Variants in SYT9 observed in about 807,000 individuals in gnomAD.
The protein encoded by SYT9 is synaptotagmin 9, also known as synaptotagmin-9.
In SYT9, 22 loss-of-function variants were observed where a neutral mutation model predicts 48.4. The observed-to-expected ratio is 0.45, with a 90% CI of 0.32 to 0.65. The LOEUF is 0.65. SYT9 is among the 30% of genes least tolerant of loss of function. The pLI is 0.03. For missense variants in SYT9, 577 were observed against 622.0 expected (o/e 0.93, Z 0.77); for synonymous variants, 265 against 245.0 (o/e 1.08, Z -0.76).
At chr11:7,393,366 C>A (rs1233664968) in intron 3 of SYT9, among the ~76,000 whole-genome samples, 2 of 145,174 alleles carry the variant, frequency 1.4e-5, no homozygotes, top group African/African-American at 5.1e-5. Context: ...TTGAGATGAT[C>A]TTTTTTTTTA....
intron 3 of SYT9, among the ~76,000 whole-genome samples, chr11:7,353,674 C>A (rs1849961860): frequency 6.6e-6 from 1 of 151,294 alleles, no homozygotes; most frequent in African/African-American, 2.4e-5. Context: ...GCTAGCCAAT[C>A]CTTCATTAGT....
intron 6 of SYT9, chr11:7,450,565 G>A (rs1046121058): frequency 1.3e-5 from 2 of 152,200 alleles, no homozygotes; most frequent in African/African-American, 4.8e-5. Flanking sequence ...AGTTGTTATT[G>A]TAAGAAAAGC....
At chr11:7,253,986 A>G (rs556840462) in intron 1 of SYT9, among the ~76,000 whole-genome samples, 1 of 152,096 alleles carries the variant, frequency 6.6e-6, no homozygotes, top group Non-Finnish European at 1.5e-5. Context: ...TTTACAAGAG[A>G]AGATGGATGA....
intron 3 of SYT9, among the ~76,000 whole-genome samples, chr11:7,411,608 T>C (rs1324638000): frequency 6.6e-6 from 1 of 152,212 alleles, no homozygotes; most frequent in Non-Finnish European, 1.5e-5. Context: ...GTTTCCTTTA[T>C]AGGTGACTAG....
At chr11:7,332,353 G>A (rs776201758) in intron 3 of SYT9, among the ~76,000 whole-genome samples, 1 of 152,212 alleles carries the variant, frequency 6.6e-6, no homozygotes, top group Non-Finnish European at 1.5e-5. Flanking sequence ...ATCAGCTGAG[G>A]AGAATTTTCC....
chr11:7,262,013 G>C (rs1848089246), intron 1 of SYT9, among the ~76,000 whole-genome samples: 1 of 152,180 alleles, frequency 6.6e-6, no homozygotes, highest in Non-Finnish European at 1.5e-5. Flanking sequence ...CAGACTATAG[G>C]AGGGGAAGGT....
intron 3 of SYT9, among the ~76,000 whole-genome samples, chr11:7,370,403 G>A (rs1025950445): frequency 1.3e-5 from 2 of 151,986 alleles, no homozygotes; most frequent in African/African-American, 2.4e-5. Context: ...CAATGTATAG[G>A]GATTTAAAGT....
In SYT9 at chr11:7,252,488, T is replaced by C. The variant is rs954415470; in HGVS notation, c.145+157T>C. Among the ~76,000 whole-genome samples the C allele has an allele frequency of 2.0e-5, 3 of 151,884 alleles. No individual in the cohort carries two copies. Among genetic ancestry groups the C allele is most frequent in the Non-Finnish European group, 4.4e-5 (3 of 67,952 alleles). Reference sequence around the variant, plus strand: ...GATCAAGAACCAGCGCACTGTGGCCTGATGCTGTAACCAGGCGGGGACCCG... The same window carrying C: ...GATCAAGAACCAGCGCACTGTGGCCCGATGCTGTAACCAGGCGGGGACCCG... On this transcript the variant is annotated intron_variant, in intron 1 of 6. Coordinates refer to ENST00000318881, the MANE Select transcript of SYT9 (RefSeq NM_175733.4). This position sits in a 1 kb window ranked among gnomAD's most constrained non-coding sequence, Gnocchi z 6.3.
intron 6 of SYT9, among the ~76,000 whole-genome samples, chr11:7,458,212 G>A (rs1848181154): frequency 6.6e-6 from 1 of 152,232 alleles, no homozygotes; most frequent in African/African-American, 2.4e-5. Context: ...CGGGTGCGGT[G>A]GCGCACACCT....
At position 7,252,441 on chromosome 11, in the gene SYT9, G is replaced by C; in HGVS notation, c.145+110G>C. Reference sequence around the variant, plus strand: ...GACGCGGACTGGGAGAGGGCGGGGGGCGGCCACCGAGCCAGGAGAGTGATC... The same window carrying C: ...GACGCGGACTGGGAGAGGGCGGGGGCCGGCCACCGAGCCAGGAGAGTGATC... On this transcript the variant is annotated intron_variant, in intron 1 of 6. Transcript: ENST00000318881. This position sits in a 1 kb window ranked among gnomAD's most constrained non-coding sequence, Gnocchi z 6.3. 2 of 1,215,900 alleles carry C rather than the reference G, an allele frequency of 1.6e-6. No homozygotes were observed. Among genetic ancestry groups the C allele is most frequent in the Non-Finnish European group, 2.1e-6 (2 of 942,688 alleles). 75.3% of individuals were successfully genotyped at this position (1,215,900 alleles called of 1,614,324 possible).
chr11:7,426,952 A>T (rs888132631), intron 6 of SYT9, among the ~76,000 whole-genome samples: 1 of 152,200 alleles, frequency 6.6e-6, no homozygotes, highest in African/African-American at 2.4e-5. Flanking sequence ...TTCATAGGAG[A>T]CTAGCTGATC....
intron 6 of SYT9, among the ~76,000 whole-genome samples, chr11:7,423,843 C>G (rs979149118): frequency 1.3e-5 from 2 of 152,206 alleles, no homozygotes; most frequent in Admixed American, 1.3e-4. Flanking sequence ...TTTCTTTCCT[C>G]TTTTCCTTGG....
chr11:7,340,514 C>CT (rs1849694590), intron 3 of SYT9, among the ~76,000 whole-genome samples: 1 of 152,170 alleles, frequency 6.6e-6, no homozygotes, highest in Non-Finnish European at 1.5e-5. Flanking sequence ...TGCTGGGCTG[C>CT]TTCTGATTGA....
rs116186821 is a variant in SYT9, at chr11:7,420,742, C to T, written c.1467+107C>T. 1,368 of 1,412,578 alleles carry T rather than the reference C, an allele frequency of 9.7e-4. 11 individuals carry two copies. In the African/African-American group the frequency reaches 0.017, roughly 17 times the overall value. 87.5% of individuals were successfully genotyped at this position (1,412,578 alleles called of 1,614,324 possible). On this transcript the variant is annotated intron_variant, in intron 6 of 6. Transcript: ENST00000318881. ...GTGCACCAGGATCTATGGTCATAGACGGGTTTTCCTGGTTGCATTTCCTGG... is the reference window on the plus strand; with the variant it reads ...GTGCACCAGGATCTATGGTCATAGATGGGTTTTCCTGGTTGCATTTCCTGG...
chr11:7,308,723 C>T (rs906400641), intron 2 of SYT9, among the ~76,000 whole-genome samples: 2 of 152,178 alleles, frequency 1.3e-5, no homozygotes, highest in Non-Finnish European at 2.9e-5. Flanking sequence ...TCTCATCACC[C>T]GCCTGGACAG....
At chr11:7,293,848 C>T (rs149841995) in intron 1 of SYT9, among the ~76,000 whole-genome samples, 3 of 152,308 alleles carry the variant, frequency 2.0e-5, no homozygotes, top group Non-Finnish European at 4.4e-5. Context: ...CCCTCACTTT[C>T]TCTTTCTCCT....
intron 1 of SYT9, among the ~76,000 whole-genome samples, chr11:7,290,432 C>T (rs373893984): frequency 2.0e-5 from 3 of 152,130 alleles, no homozygotes; most frequent in Non-Finnish European, 2.9e-5. Flanking sequence ...TGATGCTTGT[C>T]CCAGAACCAA....
At chr11:7,278,886 C>A (rs1272255961) in intron 1 of SYT9, among the ~76,000 whole-genome samples, 1 of 152,142 alleles carries the variant, frequency 6.6e-6, no homozygotes, top group Non-Finnish European at 1.5e-5. Flanking sequence ...CACCTAGGAA[C>A]TTTAAGGAGG....
At chr11:7,302,291 C>T (rs912824280) in intron 1 of SYT9, among the ~76,000 whole-genome samples, 9 of 152,184 alleles carry the variant, frequency 5.9e-5, no homozygotes, top group African/African-American at 1.4e-4. Context: ...CCTTTACTCC[C>T]TCACTGTAGG....
Sources: allele counts gnomAD v4.1 joint callset (sites outside exome capture counted in the v4.1 genomes callset), GRCh38; gene constraint gnomAD v4.1.1; non-coding constraint Gnocchi (gnomAD v3.1); transcripts MANE v1.5; gene names NCBI Gene and HGNC (gene_info 2026-07-23, HGNC 2026-07-21).